Variants in FLACC1 observed in about 807,000 individuals in gnomAD.
The protein encoded by FLACC1 is flagellum associated containing coiled-coil domains 1.
In FLACC1, 66 loss-of-function variants were observed where a neutral mutation model predicts 62.8. The ratio of observed to expected loss-of-function variants is 1.05; its 90% CI spans 0.86 to 1.29. The LOEUF is 1.29. Among genes scored for constraint, FLACC1 ranks in the 50% most tolerant of loss-of-function variants. The pLI, the probability that FLACC1 is intolerant of heterozygous loss-of-function variation, is 0.00. For synonymous variants in FLACC1, 156 were observed against 161.0 expected, an observed-to-expected ratio of 0.97 and a Z score of 0.24; for missense variants, 452 against 489.1, an observed-to-expected ratio of 0.92 and a Z score of 0.71.
chr2:201,363,210 G>T, the FLACC1 span, among the ~76,000 whole-genome samples: 3 of 152,032 alleles, frequency 2.0e-5, no homozygotes, highest in East Asian at 5.8e-4. Flanking sequence ...CACCCAGGCA[G>T]ATCTCCAGGT....
At chr2:201,344,311 T>C (rs1237033035) in intron 5 of FLACC1, 48 bp from the exon 6 acceptor site, 1 of 1,490,958 alleles carries the variant, frequency 6.7e-7, no homozygotes, top group Non-Finnish European at 9.4e-7. Flanking sequence ...TACCATTCCA[T>C]GCCATTCAGG....
intron 11 of FLACC1, among the ~76,000 whole-genome samples, chr2:201,305,947 G>C (rs1255570220): frequency 7.0e-5 from 10 of 141,988 alleles, no homozygotes; most frequent in Non-Finnish European, 1.5e-4. Context: ...GGTGGGGGGA[G>C]GGGGGAAGGA....
At chr2:201,354,104 G>A (rs577730565) in intron 1 of FLACC1, among the ~76,000 whole-genome samples, 1 of 152,358 alleles carries the variant, frequency 6.6e-6, no homozygotes, top group East Asian at 1.9e-4. Flanking sequence ...ACTGATGCTT[G>A]AGAAACCCAC....
intron 11 of FLACC1, among the ~76,000 whole-genome samples, chr2:201,305,109 T>C (rs1407514909): frequency 1.3e-5 from 2 of 152,206 alleles, no homozygotes; most frequent in East Asian, 3.8e-4. Context: ...AAAGAGCTTC[T>C]GCACAGCGAA....
chr2:201,325,577 G>A (rs548758139), intron 9 of FLACC1, among the ~76,000 whole-genome samples: 52 of 152,156 alleles, frequency 3.4e-4, no homozygotes, highest in Middle Eastern at 3.4e-3. Context: ...AGAGGAAATA[G>A]ACAAATTCCT....
chr2:201,315,960 A>C (rs1465147309), intron 9 of FLACC1, among the ~76,000 whole-genome samples: 1 of 152,234 alleles, frequency 6.6e-6, no homozygotes. Context: ...TTATTGAGTC[A>C]ACAATGAAAT....
intron 11 of FLACC1, among the ~76,000 whole-genome samples, chr2:201,301,232 T>C (rs2125549054): frequency 6.6e-6 from 1 of 152,298 alleles, no homozygotes; most frequent in South Asian, 2.1e-4. Context: ...AGAGAAGTCC[T>C]TAAATGACCT....
At chr2:201,305,596 A>G (rs1158081816) in intron 11 of FLACC1, among the ~76,000 whole-genome samples, 5 of 152,258 alleles carry the variant, frequency 3.3e-5, no homozygotes, top group African/African-American at 1.2e-4. Context: ...ATATACCCAA[A>G]GGATTATAAA....
rs184665295 is a variant in FLACC1 at position 201,311,054 on chromosome 2, T to A, written c.676-1804A>T. On this transcript the variant is annotated intron_variant, in intron 9 of 14. Transcript: ENST00000392257. ...AGAAAATCTAGAGGAAATGGATAAA[T>A]TCCTGGAAACACAACCTCCAAAGAT... is the stretch of plus-strand genomic sequence containing the variant. Among the ~76,000 whole-genome samples, 586 of 151,904 alleles carry A rather than the reference T, an allele frequency of 3.9e-3. 8 individuals carry two copies. Among genetic ancestry groups the A allele is most frequent in the South Asian group, 0.031 (147 of 4,812 alleles).
intron 9 of FLACC1, among the ~76,000 whole-genome samples, chr2:201,328,154 G>T (rs747556261): frequency 6.6e-6 from 1 of 151,976 alleles, no homozygotes; most frequent in Non-Finnish European, 1.5e-5. Flanking sequence ...CTCAGAAGGG[G>T]GAGGTGGGAG....
chr2:201,342,469 G>A, intron 6 of FLACC1, 38 bp from the exon 7 acceptor site: 3 of 1,601,126 alleles, frequency 1.9e-6, no homozygotes, highest in Non-Finnish European at 2.6e-6. Context: ...CAGGACTGAG[G>A]ACCCTGTCCC....
At chr2:201,302,000 A>G (rs1448059904) in intron 11 of FLACC1, among the ~76,000 whole-genome samples, 3 of 152,232 alleles carry the variant, frequency 2.0e-5, no homozygotes, top group Admixed American at 6.5e-5. Context: ...TGTAAAGTCC[A>G]TCAATGCCAG....
chr2:201,330,556 G>C (rs1173209501), intron 8 of FLACC1, 34 bp from the exon 9 acceptor site: 7 of 1,604,638 alleles, frequency 4.4e-6, no homozygotes, highest in Non-Finnish European at 5.1e-6. Context: ...ATCATCATTA[G>C]TCTTCTGATA....
rs547679483 is a variant in FLACC1, at chr2:201,306,249, G to A, written c.879+1270C>T. 2.6e-4 allele frequency among the ~76,000 whole-genome samples: 39 copies of A among 152,184 alleles called. No individual in the cohort carries two copies. In the East Asian group the frequency reaches 7.3e-3, roughly 29 times the overall value. On this transcript the variant is annotated intron_variant, in intron 11 of 14. Coordinates refer to ENST00000392257, the MANE Select transcript of FLACC1 (RefSeq NM_001127391.3). ...GGAACAAAAGAAAGAGAGAGAAGGG[G>A]GAGGTGCTACAACCTGATCTTTTGA... is the stretch of plus-strand genomic sequence containing the variant.
chr2:201,299,258 C>G lies in FLACC1; in HGVS notation c.922G>C (p.Glu308Gln), dbSNP rs150075649. Residue 308 changes from glutamate (E) to glutamine (Q), a missense_variant, in exon 12 of 15, where the codon GAG (glutamate) becomes CAG (glutamine). Glu to Gln is a conservative substitution (Grantham distance 29). This residue lies in a region of FLACC1 where 301 missense variants were observed against 318.4 expected (regional missense o/e 0.95). Coordinates refer to ENST00000392257, the MANE Select transcript of FLACC1 (RefSeq NM_001127391.3). ...CTTACCTCTTTGGTTTTTCTCAGCTCTTCTAATTGCAAGGTGTCACTTTGA... is the reference window on the plus strand; with the variant it reads ...CTTACCTCTTTGGTTTTTCTCAGCTGTTCTAATTGCAAGGTGTCACTTTGA... ...QHQSDTLQLEELRKTKEVMQE... is the reference protein window; with the variant it reads ...QHQSDTLQLEQLRKTKEVMQE... The G allele has an allele frequency of 2.9e-5, 46 of 1,613,584 alleles. No individual in the cohort carries two copies. The highest frequency in any genetic ancestry group is 3.8e-5 in the Non-Finnish European group (45 of 1,179,844).
At chr2:201,293,302 C>G (rs868364201) in intron 12 of FLACC1, among the ~76,000 whole-genome samples, 2 of 152,160 alleles carry the variant, frequency 1.3e-5, no homozygotes, top group Non-Finnish European at 2.9e-5. Flanking sequence ...TGTAAAAGAA[C>G]AGAAATCACA....
At chr2:201,313,556 G>T (rs563687694) in intron 9 of FLACC1, among the ~76,000 whole-genome samples, 3 of 152,226 alleles carry the variant, frequency 2.0e-5, no homozygotes, top group South Asian at 2.1e-4. Flanking sequence ...GCTGCAGCAA[G>T]ACTCGCCCAA....
chr2:201,363,508 A>G, the FLACC1 span, among the ~76,000 whole-genome samples: 7 of 151,786 alleles, frequency 4.6e-5, no homozygotes, highest in African/African-American at 1.7e-4. Flanking sequence ...ATTCCAAGAC[A>G]TAGATCATGG....
chr2:201,303,428 G>A (rs1338172352), intron 11 of FLACC1, among the ~76,000 whole-genome samples: 1 of 152,124 alleles, frequency 6.6e-6, no homozygotes, highest in African/African-American at 2.4e-5. Context: ...TGAAATTGAG[G>A]CAATAATTAA....
Sources: gnomAD v4.1 joint callset for allele counts (sites outside exome capture counted in the v4.1 genomes callset) on GRCh38, gnomAD v4.1.1 for gene constraint, gnomAD v4.1.1 regional missense constraint, MANE v1.5 for transcripts, NCBI Gene and HGNC (gene_info 2026-07-23, HGNC 2026-07-21) for gene names.